Variants in SFI1 observed in about 807,000 individuals in gnomAD.
SFI1 encodes the protein protein SFI1 homolog.
In SFI1, 195 loss-of-function variants were observed where a neutral mutation model predicts 207.5. The observed-to-expected ratio is 0.94, with a 90% CI of 0.84 to 1.06. SFI1 has a LOEUF of 1.06. SFI1 is among the 50% of genes least tolerant of loss of function. The probability of loss-of-function intolerance (pLI) is 0.00; values close to 1 mark genes in which losing one functional copy is unlikely to be tolerated. For synonymous variants in SFI1, 630 were observed against 598.9 expected (o/e 1.05, Z -0.76); for missense variants, 1,634 against 1,588.0 (o/e 1.03, Z -0.49).
chr22:31,530,344 G>A (rs1334942497), intron 3 of SFI1, among the ~76,000 whole-genome samples: 3 of 150,008 alleles, frequency 2.0e-5, no homozygotes, highest in Non-Finnish European at 4.4e-5. Context: ...CAAAAAATTA[G>A]CCAGGTGCAG....
chr22:31,592,867 C>T (rs2066274078), intron 15 of SFI1, among the ~76,000 whole-genome samples: 1 of 138,854 alleles, frequency 7.2e-6, no homozygotes, highest in African/African-American at 2.9e-5. Flanking sequence ...GCTGACCCCC[C>T]CATCTCCCTC....
rs1458533935 is a variant in SFI1, at chr22:31,575,337, G to A, written c.1029G>A (p.Val343=). 1 of 1,613,116 alleles carries A rather than the reference G, an allele frequency of 6.2e-7. No homozygotes were observed. The highest frequency in any genetic ancestry group is 2.2e-5 in the East Asian group (1 of 44,836). ...GCTTGTACGCTCACCATGCCCAGGT[G>A]GAGAAACTGGCCAGGAAGATGGCCC... ...RESLYAHHAQ[V]EKLARKMALR... is the part of the protein sequence containing the mutation. The change falls in exon 10 of 33, where the codon GTG becomes GTA. Residue 343 remains valine (V), a synonymous_variant. Coordinates refer to ENST00000400288, the MANE Select transcript of SFI1 (RefSeq NM_001007467.3).
chr22:31,519,016 C>T (rs1382521584), intron 2 of SFI1, among the ~76,000 whole-genome samples: 1 of 152,138 alleles, frequency 6.6e-6, no homozygotes, highest in Non-Finnish European at 1.5e-5. Context: ...GCCCTGTGCC[C>T]CTCTTCCCTT....
intron 4 of SFI1, among the ~76,000 whole-genome samples, chr22:31,543,861 T>C (rs1256469493): frequency 6.8e-6 from 1 of 147,538 alleles, no homozygotes; most frequent in African/African-American, 2.5e-5. Context: ...AGGAGTGACA[T>C]GTTAGTAACC....
chr22:31,571,792 GATATA>G (rs1211041401), intron 8 of SFI1, among the ~76,000 whole-genome samples: 3 of 151,946 alleles, frequency 2.0e-5, no homozygotes, highest in Non-Finnish European at 4.4e-5. Flanking sequence ...ATTTAATATT[GATATA>G]ATATATAACA....
chr22:31,508,261 G>A lies in SFI1; in HGVS notation c.-24G>A, dbSNP rs1391109554. The A allele has an allele frequency of 1.3e-6, 2 of 1,506,258 alleles. No homozygotes were observed. The highest frequency in any genetic ancestry group is 1.1e-5 in the South Asian group (1 of 88,696). 93.3% of individuals were successfully genotyped at this position (1,506,258 alleles called of 1,614,324 possible). The stretch of plus-strand genomic sequence containing the variant: ...TATTCTCTTTTTCTTGTAGTTAGAA[G>A]GGGAAGATAAAAGACTTTGATTCAT... On this transcript the variant is annotated 5_prime_UTR_variant, in exon 2 of 33. Transcript: ENST00000400288.
chr22:31,613,428 C>G lies in SFI1; in HGVS notation c.2640C>G (p.Ala880=). ...KKARLQWALQ[A]YQGQLLQEGA... ...CGCGGCTGCAGTGGGCGCTCCAGGC[C>G]TACCAGGGGCAGCTCCTCCAGGAGG... The change falls in exon 26 of 33, where the codon GCC becomes GCG. Residue 880 remains alanine, a synonymous_variant. Coordinates refer to ENST00000400288, the MANE Select transcript of SFI1 (RefSeq NM_001007467.3). 6.2e-7 allele frequency: 1 copy of G among 1,609,730 alleles called. No homozygotes were observed. The highest frequency in any genetic ancestry group is 1.1e-5 in the South Asian group (1 of 91,058).
chr22:31,566,388 C>T (rs889950850), intron 8 of SFI1, among the ~76,000 whole-genome samples: 2 of 152,102 alleles, frequency 1.3e-5, no homozygotes, highest in South Asian at 2.1e-4. Context: ...CCACCATGCC[C>T]GGCCCCCAGT....
intron 4 of SFI1, among the ~76,000 whole-genome samples, chr22:31,537,858 A>T (rs1448648333): frequency 1.3e-5 from 2 of 152,184 alleles, no homozygotes; most frequent in Non-Finnish European, 2.9e-5. Context: ...GGCTTTTTCC[A>T]TACTGAGTTA....
chr22:31,517,646 G>A (rs796492448), intron 2 of SFI1, among the ~76,000 whole-genome samples: 5 of 152,192 alleles, frequency 3.3e-5, no homozygotes, highest in African/African-American at 9.6e-5. Flanking sequence ...ATGTGAGTTA[G>A]GGACCCTATT....
At chr22:31,594,315 CGG>C (rs1170155881) in intron 15 of SFI1, among the ~76,000 whole-genome samples, 2 of 151,926 alleles carry the variant, frequency 1.3e-5, no homozygotes, top group East Asian at 1.9e-4. Context: ...TTTGGGAGGC[CGG>C]AGCGGGCGGA....
At chr22:31,576,606 C>G (rs1244957834) in intron 10 of SFI1, among the ~76,000 whole-genome samples, 1 of 152,074 alleles carries the variant, frequency 6.6e-6, no homozygotes. Context: ...CCGGCGTGAG[C>G]CACCGCGTCC....
At chr22:31,601,482 C>A (rs1448087368) in intron 15 of SFI1, among the ~76,000 whole-genome samples, 1 of 152,084 alleles carries the variant, frequency 6.6e-6, no homozygotes, top group Non-Finnish European at 1.5e-5. Context: ...TTCCTGGGAC[C>A]CCCCCTCAGA....
rs1359251147 is a variant in SFI1 at position 31,523,543 on chromosome 22, G to A, written c.93-5147G>A. ...CCTTAGAAATTCAGGTATCTGAATA[G>A]TAAACAGTTTGTCTTTAGAGTGTGA... On this transcript the variant is annotated intron_variant, in intron 2 of 32. Transcript: ENST00000400288. 1.3e-5 allele frequency among the ~76,000 whole-genome samples: 2 copies of A among 152,216 alleles called. 1 individual carries two copies. The highest frequency in any genetic ancestry group is 4.1e-4 in the South Asian group (2 of 4,834).
At chr22:31,565,082 C>G (rs914555906) in intron 8 of SFI1, among the ~76,000 whole-genome samples, 1 of 151,584 alleles carries the variant, frequency 6.6e-6, no homozygotes, top group Admixed American at 6.6e-5. Context: ...CTTGGCTTCC[C>G]AAAGTGCTGG....
At position 31,615,089 on chromosome 22, in the gene SFI1, C is replaced by T; in HGVS notation, c.3110C>T (p.Pro1037Leu). 1 of 1,607,176 alleles carries T rather than the reference C, an allele frequency of 6.2e-7. No individual in the cohort carries two copies. Among genetic ancestry groups the T allele is most frequent in the Non-Finnish European group, 8.5e-7 (1 of 1,176,942 alleles). The stretch of plus-strand genomic sequence containing the variant: ...GAACATGGCCTAGGCATGGCTCAGC[C>T]AGCAGCCCCCTCCCTGACGCGGCCC... ...PQEHGLGMAQ[P>L]AAPSLTRPFL... Residue 1037 changes from proline to leucine, a missense_variant, in exon 29 of 33, where the codon CCA becomes CTA. By Grantham distance (98) the Pro-to-Leu change is moderately conservative. Coordinates refer to ENST00000400288, the MANE Select transcript of SFI1 (RefSeq NM_001007467.3).
In SFI1 at chr22:31,533,009, G is replaced by A. The variant is rs558579438; in HGVS notation, c.338+1880G>A. Among the ~76,000 whole-genome samples the A allele has an allele frequency of 2.0e-3, 310 of 152,262 alleles. 2 individuals are homozygous for A. The highest frequency in any genetic ancestry group is 6.9e-3 in the African/African-American group (287 of 41,554). The stretch of plus-strand genomic sequence containing the variant: ...GGGTTCATGGCATGTCATAGGACAC[G>A]TGTACAGAAAATAGAGGCGTTAACA... On this transcript the variant is annotated intron_variant, in intron 4 of 32. Coordinates refer to ENST00000400288, the MANE Select transcript of SFI1 (RefSeq NM_001007467.3).
intron 15 of SFI1, among the ~76,000 whole-genome samples, chr22:31,598,239 C>G (rs1407316326): frequency 2.0e-5 from 3 of 151,970 alleles, no homozygotes; most frequent in Non-Finnish European, 2.9e-5. Flanking sequence ...CCCGCCTTGG[C>G]CTCCCAAAAT....
At chr22:31,596,034 T>C (rs1219875687) in intron 15 of SFI1, among the ~76,000 whole-genome samples, 6 of 151,920 alleles carry the variant, frequency 3.9e-5, no homozygotes, top group Admixed American at 3.9e-4. Context: ...GGGTGGATCA[T>C]TGGAGGTCAG....
Sources: gnomAD v4.1 joint callset for allele counts (sites outside exome capture counted in the v4.1 genomes callset) on GRCh38, gnomAD v4.1.1 for gene constraint, MANE v1.5 for transcripts, NCBI Gene and HGNC (gene_info 2026-07-23, HGNC 2026-07-21) for gene names.